The following GPC6 variants were observed in gnomAD, a reference collection of about 807,000 sequenced individuals.
GPC6 encodes glypican-6.
In GPC6, 14 loss-of-function variants were observed where a neutral mutation model predicts 55.2. The ratio of observed to expected loss-of-function variants is 0.25; its 90% CI spans 0.17 to 0.40. The LOEUF (loss-of-function observed/expected upper bound fraction) is 0.40, where lower values mean the gene tolerates loss of function less well. GPC6 is among the 10% of genes least tolerant of loss of function. The probability of loss-of-function intolerance (pLI) is 1.00; values close to 1 mark genes in which losing one functional copy is unlikely to be tolerated. For missense variants in GPC6, 641 were observed against 708.5 expected, an observed-to-expected ratio of 0.90 and a Z score of 1.08; for synonymous variants, 278 against 259.6, an observed-to-expected ratio of 1.07 and a Z score of -0.68.
At chr13:93,588,390 G>A (rs200248661) in intron 2 of GPC6, among the ~76,000 whole-genome samples, 1 of 63,096 alleles carries the variant, frequency 1.6e-5, no homozygotes, top group East Asian at 4.9e-4. Flanking sequence ...GTGTGTGTGT[G>A]TGTGTGTGTG....
intron 1 of GPC6, among the ~76,000 whole-genome samples, chr13:93,313,593 C>T (rs987169398): frequency 9.9e-5 from 15 of 152,128 alleles, no homozygotes; most frequent in South Asian, 2.1e-4. Flanking sequence ...CGGTGTAACC[C>T]GTGTAAATAG....
intron 2 of GPC6, among the ~76,000 whole-genome samples, chr13:93,701,134 A>G (rs1212217887): frequency 6.6e-6 from 1 of 152,118 alleles, no homozygotes; most frequent in Admixed American, 6.6e-5. Flanking sequence ...GAGAGGTTAT[A>G]AAATATGCAC....
intron 3 of GPC6, among the ~76,000 whole-genome samples, chr13:93,974,315 C>A (rs988333583): frequency 2.0e-5 from 3 of 152,130 alleles, no homozygotes; most frequent in African/African-American, 7.2e-5. Flanking sequence ...TTACCTGCTA[C>A]AAAAAACTTG....
At chr13:93,542,616 G>A (rs1054931781) in intron 1 of GPC6, among the ~76,000 whole-genome samples, 6 of 152,168 alleles carry the variant, frequency 3.9e-5, no homozygotes, top group African/African-American at 1.4e-4. Flanking sequence ...ATCTTGGGCA[G>A]TATGGCCATT....
chr13:93,279,641 T>C (rs904886280), intron 1 of GPC6, among the ~76,000 whole-genome samples: 1 of 152,206 alleles, frequency 6.6e-6, no homozygotes, highest in African/African-American at 2.4e-5. Context: ...AGTGCCACAG[T>C]AGAAAATATA....
At chr13:93,236,226 T>C (rs1876229313) in intron 1 of GPC6, among the ~76,000 whole-genome samples, 1 of 152,148 alleles carries the variant, frequency 6.6e-6, no homozygotes, top group South Asian at 2.1e-4. Context: ...TATCCTTTTT[T>C]TTGTTATTCT....
chr13:94,111,005 A>G (rs950412343), intron 4 of GPC6, among the ~76,000 whole-genome samples: 3 of 152,106 alleles, frequency 2.0e-5, no homozygotes, highest in African/African-American at 4.8e-5. Context: ...TACTTCTCCA[A>G]TGCTTGTTGT....
chr13:93,490,395 T>C (rs964708011), intron 1 of GPC6, among the ~76,000 whole-genome samples: 6 of 149,988 alleles, frequency 4.0e-5, no homozygotes. Context: ...AACATATATA[T>C]GATGTACTTA....
chr13:93,504,112 G>C (rs1365722647), intron 1 of GPC6, among the ~76,000 whole-genome samples: 1 of 152,076 alleles, frequency 6.6e-6, no homozygotes, highest in African/African-American at 2.4e-5. Flanking sequence ...GTACTGGCGG[G>C]TTTTGAGTAG....
chr13:93,744,051 A>T (rs1274024936), intron 2 of GPC6, among the ~76,000 whole-genome samples: 1 of 152,156 alleles, frequency 6.6e-6, no homozygotes, highest in Non-Finnish European at 1.5e-5. Context: ...TAGAGTACAG[A>T]TTTATTCCCT....
chr13:93,381,387 CA>C (rs895200712), intron 1 of GPC6, among the ~76,000 whole-genome samples: 2 of 151,206 alleles, frequency 1.3e-5, no homozygotes, highest in Non-Finnish European at 3.0e-5. Flanking sequence ...TCTACACTTT[CA>C]AAAAAAAGGG....
chr13:93,581,269 C>T (rs956318230), intron 2 of GPC6, among the ~76,000 whole-genome samples: 2 of 150,058 alleles, frequency 1.3e-5, no homozygotes, highest in Non-Finnish European at 2.9e-5. Flanking sequence ...CCAATATCTG[C>T]TAGTTATCTA....
At chr13:94,050,230 T>C (rs935699418) in intron 4 of GPC6, among the ~76,000 whole-genome samples, 1 of 152,162 alleles carries the variant, frequency 6.6e-6, no homozygotes, top group Non-Finnish European at 1.5e-5. Context: ...TGGAACGTAA[T>C]AGATGCTGTG....
At chr13:93,359,281 G>T (rs1456901802) in intron 1 of GPC6, among the ~76,000 whole-genome samples, 1 of 151,824 alleles carries the variant, frequency 6.6e-6, no homozygotes, top group African/African-American at 2.4e-5. Context: ...TTCTTGTGTA[G>T]AAAAAAATAA....
chr13:94,195,975 A>G (rs1382900924), intron 4 of GPC6, among the ~76,000 whole-genome samples: 2 of 152,230 alleles, frequency 1.3e-5, no homozygotes, highest in Non-Finnish European at 1.5e-5. Flanking sequence ...CATGCTCAGA[A>G]TGTTTGCTCA....
At chr13:93,430,907 G>A (rs532496926) in intron 1 of GPC6, among the ~76,000 whole-genome samples, 1 of 152,224 alleles carries the variant, frequency 6.6e-6, no homozygotes, top group Admixed American at 6.5e-5. Flanking sequence ...TTAAAATTCA[G>A]CTGATAGCTC....
intron 1 of GPC6, among the ~76,000 whole-genome samples, chr13:93,474,007 C>T (rs556098795): frequency 6.6e-6 from 1 of 152,334 alleles, no homozygotes; most frequent in East Asian, 1.9e-4. Flanking sequence ...TCACTCACAT[C>T]TCCCCACTGC....
In GPC6 at chr13:93,332,216, A is replaced by G. The variant is rs78646050; in HGVS notation, c.160+104600A>G. On this transcript the variant is annotated intron_variant, in intron 1 of 8. Coordinates refer to ENST00000377047, the MANE Select transcript of GPC6 (RefSeq NM_005708.5). ...GGTGGATTTCCTTTCTTTTGGATCC[A>G]TACCCAGCAATAGGATTGCTAAATA... is the stretch of plus-strand genomic sequence containing the variant. 1.1e-4 allele frequency among the ~76,000 whole-genome samples: 17 copies of G among 151,358 alleles called. 1 individual carries two copies. In the East Asian group the frequency reaches 3.1e-3, roughly 28 times the overall value.
intron 1 of GPC6, among the ~76,000 whole-genome samples, chr13:93,516,264 T>A (rs1340402599): frequency 6.6e-6 from 1 of 152,178 alleles, no homozygotes; most frequent in African/African-American, 2.4e-5. Context: ...TTTTCTATGT[T>A]GCACTCACTT....
Sources: allele counts gnomAD v4.1 joint callset (sites outside exome capture counted in the v4.1 genomes callset), GRCh38; gene constraint gnomAD v4.1.1; transcripts MANE v1.5; gene names NCBI Gene and HGNC (gene_info 2026-07-23, HGNC 2026-07-21).